The following TMEM164 variants were observed in gnomAD, a reference collection of about 807,000 sequenced individuals.
TMEM164 encodes the protein transmembrane protein 164.
Under a neutral mutation model 18.8 loss-of-function variants are expected in TMEM164, and 4 were observed. The ratio of observed to expected loss-of-function variants is 0.21; its 90% CI spans 0.10 to 0.49. The LOEUF is 0.49. TMEM164 is among the 20% of genes least tolerant of loss of function. The pLI, the probability that TMEM164 is intolerant of heterozygous loss-of-function variation, is 0.98. For synonymous variants in TMEM164, 86 were observed against 101.7 expected, an observed-to-expected ratio of 0.85 and a Z score of 0.93; for missense variants, 108 against 239.9, an observed-to-expected ratio of 0.45 and a Z score of 3.63.
intron 3 of TMEM164, among the ~76,000 whole-genome samples, chrX:110,071,214 G>A (rs1447850276): frequency 7.4e-5 from 8 of 107,780 alleles, no homozygotes; most frequent in African/African-American, 2.7e-4. Context: ...TTGTTGCTAG[G>A]ATGGTCTTGA....
In TMEM164 at chrX:110,175,258, T is replaced by G. The variant is rs2067277396; in HGVS notation, c.*1807T>G. ...ACCGTCAAACTGCTACATGTAGGAA[T>G]AGCTGATGAGGAAATACACAAGGCC... On this transcript the variant is annotated 3_prime_UTR_variant, in exon 7 of 7. Coordinates refer to ENST00000372068, the MANE Select transcript of TMEM164 (RefSeq NM_032227.4). The G allele has an allele frequency of 8.8e-6, 1 of 113,093 alleles. No homozygotes were observed. Among genetic ancestry groups the G allele is most frequent in the Non-Finnish European group, 1.9e-5 (1 of 53,332 alleles). 9.3% of individuals were successfully genotyped at this position (113,093 alleles called of 1,213,427 possible).
At chrX:110,183,453 G>T (rs1396492102), downstream of TMEM164, among the ~76,000 whole-genome samples, 1 of 112,433 alleles carries the variant, frequency 8.9e-6, no homozygotes, top group Admixed American at 9.4e-5. Context: ...TAACCTCTGA[G>T]CCTCAGTTTG....
At chrX:110,095,508 A>AT (rs2066002503) in intron 3 of TMEM164, among the ~76,000 whole-genome samples, 1 of 111,688 alleles carries the variant, frequency 9.0e-6, no homozygotes, top group Admixed American at 9.5e-5. Flanking sequence ...CCTAGTTCTC[A>AT]TGTCATGGTT....
intron 2 of TMEM164, among the ~76,000 whole-genome samples, chrX:110,029,304 A>C (rs896641688): frequency 2.7e-5 from 3 of 111,618 alleles, no homozygotes; most frequent in Non-Finnish European, 5.6e-5. Flanking sequence ...TTTATTTTTC[A>C]TGGGCCTTAC....
intron 6 of TMEM164, among the ~76,000 whole-genome samples, chrX:110,172,184 C>G (rs1250195669): frequency 8.9e-6 from 1 of 111,925 alleles, no homozygotes; most frequent in Non-Finnish European, 1.9e-5. Flanking sequence ...TCACCTCACC[C>G]TTGAGGGCAG....
chrX:110,142,312 A>T (rs942077374), intron 4 of TMEM164, among the ~76,000 whole-genome samples: 1 of 111,989 alleles, frequency 8.9e-6, no homozygotes, highest in Non-Finnish European at 1.9e-5. Context: ...TGCTGATACC[A>T]CTATGACTAC....
At chrX:110,065,588 C>T (rs1936302830) in intron 2 of TMEM164, 1 of 111,113 alleles carries the variant, frequency 9.0e-6, no homozygotes, top group African/African-American at 3.3e-5. Flanking sequence ...TTGGACTGCT[C>T]CTGAGGGGTG....
intron 2 of TMEM164, among the ~76,000 whole-genome samples, chrX:110,041,981 A>G (rs1935113897): frequency 8.9e-6 from 1 of 111,931 alleles, no homozygotes; most frequent in African/African-American, 3.2e-5. Flanking sequence ...TGTGTAATTC[A>G]GTGGTTTTCA....
intron 4 of TMEM164, among the ~76,000 whole-genome samples, chrX:110,117,586 A>T (rs995185567): frequency 2.7e-5 from 3 of 112,247 alleles, no homozygotes; most frequent in African/African-American, 9.7e-5. Flanking sequence ...TGCACTCCAT[A>T]AATCTGTAAA....
intron 3 of TMEM164, among the ~76,000 whole-genome samples, chrX:110,091,431 T>C (rs1446408971): frequency 2.1e-4 from 24 of 112,085 alleles, no homozygotes; most frequent in Admixed American, 1.9e-3. Flanking sequence ...CTCACTGTGG[T>C]TTTGATTTGC....
chrX:110,172,570 C>T (rs1382624297), intron 6 of TMEM164, among the ~76,000 whole-genome samples: 1 of 111,471 alleles, frequency 9.0e-6, no homozygotes, highest in Non-Finnish European at 1.9e-5. Flanking sequence ...AAAGTTCACA[C>T]CCTTACCACT....
chrX:110,085,259 C>T (rs2065834567), intron 3 of TMEM164, among the ~76,000 whole-genome samples: 1 of 105,273 alleles, frequency 9.5e-6, no homozygotes, highest in Non-Finnish European at 1.9e-5. Flanking sequence ...CTCCTGGGCT[C>T]AAGTGTTCCT....
intron 2 of TMEM164, among the ~76,000 whole-genome samples, chrX:110,017,399 C>G (rs1021303424): frequency 9.5e-5 from 4 of 42,065 alleles, no homozygotes; most frequent in African/African-American, 2.6e-4. Flanking sequence ...TGCAGGCCAC[C>G]TCCTTCCTTT....
intron 3 of TMEM164, among the ~76,000 whole-genome samples, chrX:110,108,049 C>A (rs1276386364): frequency 1.0e-5 from 1 of 97,060 alleles, no homozygotes; most frequent in African/African-American, 4.0e-5. Context: ...GTTTTCCCAG[C>A]CAGGGCATAG....
rs191020331 is a variant in TMEM164, at chrX:110,025,996, T to C, written c.390+21832T>C. ...ATTTGTAAAATGGAGCTAAAAATTC[T>C]ATCTACCTCTTCAAGTTATTTAGAG... On this transcript the variant is annotated intron_variant, in intron 2 of 6. Transcript: ENST00000372068. 4.8e-3 allele frequency among the ~76,000 whole-genome samples: 543 copies of C among 112,842 alleles called. 2 individuals are homozygous for C. The highest frequency in any genetic ancestry group is 0.016 in the African/African-American group (499 of 31,099).
chrX:110,116,878 T>G (rs867516595), intron 4 of TMEM164, among the ~76,000 whole-genome samples: 3 of 92,839 alleles, frequency 3.2e-5, no homozygotes, highest in Non-Finnish European at 4.3e-5. Flanking sequence ...GTGTGTGTGG[T>G]GTGTGTGTGT....
In TMEM164 at chrX:110,173,661, C is replaced by T. The variant is rs765437500; in HGVS notation, c.*210C>T. The T allele has an allele frequency of 1.5e-4, 63 of 425,441 alleles. No individual in the cohort carries two copies. In the South Asian group the frequency reaches 2.2e-3, roughly 15 times the overall value. 35.1% of individuals were successfully genotyped at this position (425,441 alleles called of 1,213,427 possible). Reference sequence around the variant, plus strand: ...CTTGAGCCTGGGGTGTAGTGCTGGGCGCTGGATTTTCCTCCTTCCCTTTGG... The same window carrying T: ...CTTGAGCCTGGGGTGTAGTGCTGGGTGCTGGATTTTCCTCCTTCCCTTTGG... On this transcript the variant is annotated 3_prime_UTR_variant, in exon 7 of 7. Transcript: ENST00000372068.
At chrX:110,181,933 C>T (rs1414759644), downstream of TMEM164, among the ~76,000 whole-genome samples, 1 of 111,779 alleles carries the variant, frequency 8.9e-6, no homozygotes, top group African/African-American at 3.3e-5. Context: ...TTAATGTGCC[C>T]TGTGTGGTTG....
intron 2 of TMEM164, among the ~76,000 whole-genome samples, chrX:110,021,116 A>G (rs182577067): frequency 2.7e-5 from 3 of 111,182 alleles, no homozygotes; most frequent in African/African-American, 9.8e-5. Flanking sequence ...TCATTTTTTA[A>G]TGACCACATT....
Sources: gnomAD v4.1 joint callset for allele counts (sites outside exome capture counted in the v4.1 genomes callset) on GRCh38, gnomAD v4.1.1 for gene constraint, MANE v1.5 for transcripts, NCBI Gene and HGNC (gene_info 2026-07-23, HGNC 2026-07-21) for gene names.